ARID5B: variants seen among roughly 807,000 people sequenced by gnomAD.
The protein encoded by ARID5B is AT-rich interactive domain-containing protein 5B.
A neutral mutation model predicts 97.2 loss-of-function variants in ARID5B; 13 were observed. The observed-to-expected ratio is 0.13, with a 90% CI of 0.09 to 0.21. ARID5B has a LOEUF of 0.21. Among genes scored for constraint, ARID5B ranks in the 10% least tolerant of loss-of-function variants. The probability of loss-of-function intolerance (pLI) is 1.00; values close to 1 mark genes in which losing one functional copy is unlikely to be tolerated. For missense variants in ARID5B, 1,210 were observed against 1,465.3 expected (o/e 0.83, Z 2.84); for synonymous variants, 556 against 570.3 (o/e 0.97, Z 0.36).
intron 4 of ARID5B, among the ~76,000 whole-genome samples, chr10:62,037,246 C>A (rs908079548): frequency 1.3e-5 from 2 of 152,198 alleles, no homozygotes; most frequent in African/African-American, 4.8e-5. Context: ...GGCCCTCCCC[C>A]ACTCATTTCC....
chr10:62,024,323 T>G (rs10995014), intron 4 of ARID5B, among the ~76,000 whole-genome samples: 9,526 of 152,312 alleles, frequency 0.063, 537 homozygotes, highest in Admixed American at 0.19. Flanking sequence ...AGACTCCTAA[T>G]TTTGACTAAT....
intron 4 of ARID5B, among the ~76,000 whole-genome samples, chr10:62,013,749 T>C (rs1342480795): frequency 6.6e-6 from 1 of 150,988 alleles, no homozygotes; most frequent in Non-Finnish European, 1.5e-5. Flanking sequence ...TTGCAAATGG[T>C]GGCAGAATTT....
chr10:61,973,148 G>C (rs1320299778), intron 3 of ARID5B, among the ~76,000 whole-genome samples: 2 of 152,162 alleles, frequency 1.3e-5, no homozygotes, highest in Non-Finnish European at 2.9e-5. Context: ...TTGTATCAAG[G>C]CTTCCAGTTG....
chr10:61,905,191 C>G (rs1843689221), intron 2 of ARID5B, among the ~76,000 whole-genome samples: 2 of 152,166 alleles, frequency 1.3e-5, no homozygotes, highest in Non-Finnish European at 2.9e-5. Context: ...AGAAAATGTT[C>G]AGCACATTTA....
chr10:61,920,333 T>G (rs867402500), intron 2 of ARID5B, among the ~76,000 whole-genome samples: 92 of 151,528 alleles, frequency 6.1e-4, no homozygotes, highest in Middle Eastern at 3.4e-3. Context: ...ATCTTTGTTT[T>G]TTTTTTTTTT....
At chr10:61,955,515 G>A (rs1838380047) in intron 3 of ARID5B, among the ~76,000 whole-genome samples, 1 of 152,162 alleles carries the variant, frequency 6.6e-6, no homozygotes, top group Admixed American at 6.5e-5. Context: ...ATGCATTTAG[G>A]ATAATGATGT....
At chr10:62,040,246 C>T (rs1368594977) in intron 4 of ARID5B, among the ~76,000 whole-genome samples, 3 of 152,060 alleles carry the variant, frequency 2.0e-5, no homozygotes, top group Non-Finnish European at 2.9e-5. Context: ...TTCATCAGGG[C>T]CATTTAGTAG....
chr10:62,069,252 G>T (rs1016424495), intron 7 of ARID5B, among the ~76,000 whole-genome samples: 1 of 152,204 alleles, frequency 6.6e-6, no homozygotes, highest in Non-Finnish European at 1.5e-5. Context: ...TTTGGTAAAA[G>T]ACTCTTTTTT....
At chr10:61,942,264 A>T (rs1844423410) in intron 3 of ARID5B, among the ~76,000 whole-genome samples, 1 of 152,220 alleles carries the variant, frequency 6.6e-6, no homozygotes, top group African/African-American at 2.4e-5. Context: ...CTAAAAAAAA[A>T]GAAGGTCCAT....
chr10:61,916,504 T>C (rs1371713227), intron 2 of ARID5B, among the ~76,000 whole-genome samples: 2 of 152,190 alleles, frequency 1.3e-5, no homozygotes, highest in Non-Finnish European at 2.9e-5. Flanking sequence ...CAGATTAATA[T>C]GTGACATTTT....
intron 4 of ARID5B, chr10:62,024,680 A>G: frequency 2.5e-6 from 1 of 396,572 alleles, no homozygotes; most frequent in Non-Finnish European, 4.5e-6. Context: ...CGGGAGGCAG[A>G]TTAACTTCCC....
intron 3 of ARID5B, among the ~76,000 whole-genome samples, chr10:61,971,620 A>G (rs1051777193): frequency 1.3e-5 from 2 of 152,258 alleles, no homozygotes; most frequent in African/African-American, 4.8e-5. Context: ...GAACTGCACA[A>G]TACAGAAAAT....
At chr10:61,960,959 A>G (rs1267424674) in intron 3 of ARID5B, among the ~76,000 whole-genome samples, 2 of 152,244 alleles carry the variant, frequency 1.3e-5, no homozygotes, top group African/African-American at 2.4e-5. Flanking sequence ...AATGGGTATA[A>G]TAAATCTATC....
rs1444487591 is a variant in ARID5B, at chr10:62,000,608, G to T, written c.733+287G>T. Among the ~76,000 whole-genome samples, 2 of 152,138 alleles carry T rather than the reference G, an allele frequency of 1.3e-5. No homozygotes were observed. The highest frequency in any genetic ancestry group is 4.8e-5 in the African/African-American group (2 of 41,440). On this transcript the variant is annotated intron_variant, in intron 4 of 9. Coordinates refer to ENST00000279873, the MANE Select transcript of ARID5B (RefSeq NM_032199.3). This position sits in a 1 kb window ranked among gnomAD's most constrained non-coding sequence, Gnocchi z 4.4. ...GGACTTTAGGACAGGAAGCTTTCAT[G>T]TTACTTTTCTCTCAAAAGGCTTTGT...
At chr10:61,908,315 G>A (rs192286041) in intron 2 of ARID5B, among the ~76,000 whole-genome samples, 487 of 151,820 alleles carry the variant, frequency 3.2e-3, no homozygotes, top group Middle Eastern at 0.014. Flanking sequence ...GTCTTGATAA[G>A]GAGATGAGAT....
chr10:62,042,533 G>A (rs1393206942), intron 4 of ARID5B, among the ~76,000 whole-genome samples: 1 of 152,164 alleles, frequency 6.6e-6, no homozygotes. Flanking sequence ...TGCAGTATCA[G>A]CTCCTAGATA....
intron 3 of ARID5B, among the ~76,000 whole-genome samples, chr10:61,996,438 C>T (rs1178622768): frequency 6.6e-6 from 1 of 151,898 alleles, no homozygotes; most frequent in African/African-American, 2.4e-5. Flanking sequence ...GTTATAAGTC[C>T]CAGCTACTCA....
chr10:61,972,050 C>T (rs1267906941), intron 3 of ARID5B, among the ~76,000 whole-genome samples: 1 of 151,982 alleles, frequency 6.6e-6, no homozygotes, highest in African/African-American at 2.4e-5. Flanking sequence ...ATAATAAAAA[C>T]AATCCATGTT....
At chr10:61,962,414 T>C (rs995596896) in intron 3 of ARID5B, among the ~76,000 whole-genome samples, 2 of 152,196 alleles carry the variant, frequency 1.3e-5, no homozygotes, top group Non-Finnish European at 2.9e-5. Flanking sequence ...TCATCCATAC[T>C]CCTCTCCTAA....
Sources: allele counts gnomAD v4.1 joint callset (sites outside exome capture counted in the v4.1 genomes callset), GRCh38; gene constraint gnomAD v4.1.1; non-coding constraint Gnocchi (gnomAD v3.1); transcripts MANE v1.5; gene names NCBI Gene and HGNC (gene_info 2026-07-23, HGNC 2026-07-21).